The following GRM7 variants were observed in gnomAD, a reference collection of about 807,000 sequenced individuals.
GRM7 encodes the protein metabotropic glutamate receptor 7.
GRM7 carries 35 observed loss-of-function variants against 84.5 expected under a neutral mutation model. That is an observed-to-expected ratio of 0.41 (90% CI 0.32 to 0.55). The LOEUF is 0.55. Ranked by LOEUF, GRM7 falls within the 20% of genes least tolerant of loss-of-function variation. The pLI is 0.19. For synonymous variants in GRM7, 487 were observed against 455.1 expected (o/e 1.07, Z -0.89); for missense variants, 1,003 against 1,194.6 (o/e 0.84, Z 2.36).
chr3:7,137,726 T>C (rs1449941147), intron 1 of GRM7, among the ~76,000 whole-genome samples: 1 of 105,106 alleles, frequency 9.5e-6, no homozygotes, highest in East Asian at 2.8e-4. Flanking sequence ...ATGCAGGTGG[T>C]GGTGGCCCAA....
At chr3:6,996,350 A>G (rs531024720) in intron 1 of GRM7, among the ~76,000 whole-genome samples, 1 of 152,308 alleles carries the variant, frequency 6.6e-6, no homozygotes, top group South Asian at 2.1e-4. Context: ...GCCTGGCCTA[A>G]TTCTACAAAT....
At chr3:7,322,014 C>T (rs1369635587) in intron 4 of GRM7, among the ~76,000 whole-genome samples, 1 of 151,836 alleles carries the variant, frequency 6.6e-6, no homozygotes, top group East Asian at 1.9e-4. Flanking sequence ...TTATGAACAT[C>T]GTCAATGGTA....
intron 1 of GRM7, among the ~76,000 whole-genome samples, chr3:7,077,376 T>A (rs1377802131): frequency 6.6e-6 from 1 of 152,062 alleles, no homozygotes; most frequent in Admixed American, 6.6e-5. Flanking sequence ...ATATATACCA[T>A]GGAATACTAT....
intron 7 of GRM7, among the ~76,000 whole-genome samples, chr3:7,576,268 A>G (rs1034370425): frequency 1.3e-5 from 2 of 152,166 alleles, no homozygotes; most frequent in African/African-American, 4.8e-5. Flanking sequence ...GCTTCCAGTG[A>G]CTTATTGTCT....
chr3:7,340,176 T>C (rs1166389559), intron 4 of GRM7, among the ~76,000 whole-genome samples: 1 of 152,166 alleles, frequency 6.6e-6, no homozygotes, highest in Non-Finnish European at 1.5e-5. Flanking sequence ...TTTATCTTCT[T>C]TGAATGTGTT....
chr3:7,181,860 C>T (rs1236411923), intron 2 of GRM7, among the ~76,000 whole-genome samples: 1 of 152,136 alleles, frequency 6.6e-6, no homozygotes, highest in African/African-American at 2.4e-5. Context: ...ATCCTCCCTC[C>T]TTGGCCTCCT....
At chr3:6,921,937 T>A (rs1157240316) in intron 1 of GRM7, among the ~76,000 whole-genome samples, 1 of 152,170 alleles carries the variant, frequency 6.6e-6, no homozygotes, top group Non-Finnish European at 1.5e-5. Flanking sequence ...CACTTGCCAC[T>A]TTCTAATACA....
chr3:7,429,032 A>G (rs1190491626), intron 5 of GRM7, among the ~76,000 whole-genome samples: 1 of 152,174 alleles, frequency 6.6e-6, no homozygotes, highest in African/African-American at 2.4e-5. Flanking sequence ...AGAAGTTGTT[A>G]AATGGAGTAG....
chr3:7,677,262 T>TAAAAAA lies in GRM7; in HGVS notation c.2452-2760_2452-2755dup, dbSNP rs557488794. On this transcript the variant is annotated intron_variant, in intron 8 of 9. Coordinates refer to ENST00000357716, the MANE Select transcript of GRM7 (RefSeq NM_000844.4). ...GGGCAATAGAGGGAGACTCTGTCTT[T>TAAAAAA]AAAAAAAAAAAAAAAAAAAAAAAAA... Among the ~76,000 whole-genome samples, 28 of 36,880 alleles carry TAAAAAA rather than the reference T, an allele frequency of 7.6e-4. 1 individual carries two copies. Among genetic ancestry groups the TAAAAAA allele is most frequent in the South Asian group, 3.4e-3 (4 of 1,184 alleles). 24.2% of individuals were successfully genotyped at this position (36,880 alleles called of 152,430 possible).
chr3:7,102,051 A>C (rs1039197665), intron 1 of GRM7, among the ~76,000 whole-genome samples: 1 of 151,640 alleles, frequency 6.6e-6, no homozygotes, highest in Admixed American at 6.6e-5. Flanking sequence ...AATATAATGT[A>C]AAATTTTTTT....
intron 1 of GRM7, among the ~76,000 whole-genome samples, chr3:6,884,486 G>T (rs1381782065): frequency 5.9e-5 from 9 of 152,064 alleles, no homozygotes; most frequent in Non-Finnish European, 1.0e-4. Flanking sequence ...CAATCTTTTA[G>T]TTATAAAAAA....
intron 1 of GRM7, among the ~76,000 whole-genome samples, chr3:6,967,521 C>G (rs1234653347): frequency 5.3e-5 from 8 of 152,180 alleles, no homozygotes; most frequent in Non-Finnish European, 1.0e-4. Context: ...CCCTAATCGG[C>G]TCTGTTGTTT....
chr3:6,861,918 G>C lies in GRM7; in HGVS notation c.519+11G>C. On this transcript the variant is annotated intron_variant, in intron 1 of 9. Coordinates refer to ENST00000357716, the MANE Select transcript of GRM7 (RefSeq NM_000844.4). This position sits in a 1 kb window ranked among gnomAD's most constrained non-coding sequence, Gnocchi z 6.4. ...CTGAGGCTCTTCCAGGTAGGGATGC[G>C]CTCCCTCCGGGGCGGAGCACACAGT... The C allele has an allele frequency of 6.3e-7, 1 of 1,597,026 alleles. No individual in the cohort carries two copies. The highest frequency in any genetic ancestry group is 1.3e-5 in the African/African-American group (1 of 74,748).
intron 1 of GRM7, among the ~76,000 whole-genome samples, chr3:6,988,083 G>A (rs1260159718): frequency 1.4e-5 from 2 of 142,406 alleles, no homozygotes; most frequent in Admixed American, 7.4e-5. Flanking sequence ...TGCAAGCTCC[G>A]CCTCCTGGGT....
At chr3:7,420,742 G>C (rs1277837171) in intron 5 of GRM7, among the ~76,000 whole-genome samples, 1 of 151,924 alleles carries the variant, frequency 6.6e-6, no homozygotes, top group Non-Finnish European at 1.5e-5. Context: ...AATCTTTGCT[G>C]GTTAATTAAT....
rs1309165341 is a variant in GRM7 at position 7,486,097 on chromosome 3, G to T, written c.1515+24375G>T. ...AGTTCTTCAAAGAGTCAAAGGATGA[G>T]ATAAAATATGGATTTTAAATACTGC... On this transcript the variant is annotated intron_variant, in intron 7 of 9. Coordinates refer to ENST00000357716, the MANE Select transcript of GRM7 (RefSeq NM_000844.4). The surrounding 1 kb of genome is among the most constrained non-coding windows in gnomAD (Gnocchi z 5.5). Among the ~76,000 whole-genome samples, 1 of 152,164 alleles carries T rather than the reference G, an allele frequency of 6.6e-6. No homozygotes were observed. The highest frequency in any genetic ancestry group is 1.5e-5 in the Non-Finnish European group (1 of 68,036).
At chr3:7,226,180 C>T (rs926424398) in intron 2 of GRM7, among the ~76,000 whole-genome samples, 11 of 152,104 alleles carry the variant, frequency 7.2e-5, no homozygotes, top group Admixed American at 7.2e-4. Flanking sequence ...CAAATCACTG[C>T]ACATTTAGCA....
intron 1 of GRM7, among the ~76,000 whole-genome samples, chr3:6,880,428 G>A (rs1695465755): frequency 6.6e-6 from 1 of 152,202 alleles, no homozygotes; most frequent in South Asian, 2.1e-4. Flanking sequence ...ATCCTGGAAT[G>A]ACATTCTCTT....
At chr3:7,731,071 A>C (rs984025964) in intron 9 of GRM7, among the ~76,000 whole-genome samples, 8 of 142,068 alleles carry the variant, frequency 5.6e-5, no homozygotes, top group African/African-American at 2.3e-4. Flanking sequence ...AGTACAAATT[A>C]GTTTTTTCTT....
Sources: gnomAD v4.1 joint callset for allele counts (sites outside exome capture counted in the v4.1 genomes callset) on GRCh38, gnomAD v4.1.1 for gene constraint, Gnocchi (gnomAD v3.1) non-coding constraint, MANE v1.5 for transcripts, NCBI Gene and HGNC (gene_info 2026-07-23, HGNC 2026-07-21) for gene names.